The following FRAS1 variants were observed in gnomAD, a reference collection of about 807,000 sequenced individuals.
The protein encoded by FRAS1 is Fraser extracellular matrix complex subunit 1, also known as extracellular matrix organizing protein FRAS1.
FRAS1 carries 290 observed loss-of-function variants against 435.2 expected under a neutral mutation model. The ratio of observed to expected loss-of-function variants is 0.67; its 90% CI spans 0.61 to 0.73. The LOEUF (loss-of-function observed/expected upper bound fraction) is 0.73, where lower values mean the gene tolerates loss of function less well. Ranked by LOEUF, FRAS1 falls within the 30% of genes least tolerant of loss-of-function variation. The probability of loss-of-function intolerance (pLI) is 0.00; values close to 1 mark genes in which losing one functional copy is unlikely to be tolerated. For synonymous variants in FRAS1, 1,800 were observed against 1,851.0 expected (o/e 0.97, Z 0.71); for missense variants, 4,860 against 5,001.5 (o/e 0.97, Z 0.85).
At chr4:78,381,049 TG>T (rs996068327) in intron 27 of FRAS1, among the ~76,000 whole-genome samples, 1 of 152,166 alleles carries the variant, frequency 6.6e-6, no homozygotes, top group Non-Finnish European at 1.5e-5. Context: ...TAGGTTATCT[TG>T]CCCAAGACCT....
At chr4:78,283,512 A>G (rs1417151355) in intron 12 of FRAS1, among the ~76,000 whole-genome samples, 1 of 152,216 alleles carries the variant, frequency 6.6e-6, no homozygotes, top group Non-Finnish European at 1.5e-5. Context: ...GTTCCAGTTA[A>G]TAATTGTTGG....
intron 31 of FRAS1, among the ~76,000 whole-genome samples, chr4:78,412,542 CATA>C (rs1733383326): frequency 6.6e-6 from 1 of 152,130 alleles, no homozygotes; most frequent in African/African-American, 2.4e-5. Context: ...ATTACATACT[CATA>C]ATAAGACATT....
chr4:78,339,659 G>C (rs1292674205), intron 20 of FRAS1, among the ~76,000 whole-genome samples: 1 of 152,220 alleles, frequency 6.6e-6, no homozygotes, highest in African/African-American at 2.4e-5. Flanking sequence ...TTCATGACTA[G>C]TGAGTCCTCT....
chr4:78,216,566 C>G (rs1723777076), intron 2 of FRAS1, among the ~76,000 whole-genome samples: 1 of 152,196 alleles, frequency 6.6e-6, no homozygotes, highest in Non-Finnish European at 1.5e-5. Context: ...CAGAGGGGAA[C>G]AGGTCATAGT....
At chr4:78,511,873 T>G (rs17003294) in intron 64 of FRAS1, among the ~76,000 whole-genome samples, 2 of 151,942 alleles carry the variant, frequency 1.3e-5, no homozygotes, top group African/African-American at 4.8e-5. Flanking sequence ...TGGCATCTCT[T>G]CTAGGGACAT....
At chr4:78,513,351 A>G (rs770960877) in intron 64 of FRAS1, 41 bp from the exon 65 acceptor site, 2 of 1,600,746 alleles carry the variant, frequency 1.2e-6, no homozygotes, top group East Asian at 4.5e-5. Context: ...GACCATTTAT[A>G]GCAGTCAGCT....
At chr4:78,397,430 G>A (rs1235243495) in intron 29 of FRAS1, among the ~76,000 whole-genome samples, 1 of 152,176 alleles carries the variant, frequency 6.6e-6, no homozygotes, top group African/African-American at 2.4e-5. Context: ...TCAGGGGACT[G>A]TTGATGTGTG....
chr4:78,386,002 T>A (rs1732205520), intron 28 of FRAS1, among the ~76,000 whole-genome samples: 1 of 152,174 alleles, frequency 6.6e-6, no homozygotes. Context: ...AGAAACTTTG[T>A]TTCGTTCTTT....
intron 37 of FRAS1, among the ~76,000 whole-genome samples, chr4:78,431,072 T>G (rs537922427): frequency 2.6e-5 from 4 of 152,358 alleles, no homozygotes; most frequent in African/African-American, 9.6e-5. Context: ...AGTACCCACC[T>G]CTGGATGCTA....
At chr4:78,435,687 A>G (rs1189705680) in intron 38 of FRAS1, among the ~76,000 whole-genome samples, 4 of 152,008 alleles carry the variant, frequency 2.6e-5, no homozygotes, top group Non-Finnish European at 5.9e-5. Flanking sequence ...GCAGTGAGCC[A>G]AGATCATACC....
chr4:78,357,346 G>T (rs901885223), intron 20 of FRAS1, among the ~76,000 whole-genome samples: 1 of 152,156 alleles, frequency 6.6e-6, no homozygotes, highest in Non-Finnish European at 1.5e-5. Flanking sequence ...TCAGCACACT[G>T]TGTCCCCATG....
intron 2 of FRAS1, among the ~76,000 whole-genome samples, chr4:78,222,506 T>C (rs550824534): frequency 7.6e-4 from 116 of 152,354 alleles, no homozygotes; most frequent in Middle Eastern, 3.4e-3. Flanking sequence ...GGAGAATGTT[T>C]GCCTTTGCAT....
intron 29 of FRAS1, among the ~76,000 whole-genome samples, chr4:78,395,601 T>G (rs1394765292): frequency 6.6e-6 from 1 of 152,062 alleles, no homozygotes; most frequent in Non-Finnish European, 1.5e-5. Flanking sequence ...AACCTCTCAT[T>G]ATATAATATC....
In FRAS1 at chr4:78,284,524, T is replaced by C. The variant is rs1159801103; in HGVS notation, c.1375T>C (p.Tyr459His). The C allele has an allele frequency of 6.2e-7, 1 of 1,611,690 alleles. No homozygotes were observed. The highest frequency in any genetic ancestry group is 8.5e-7 in the Non-Finnish European group (1 of 1,178,922). ...WCVHSCGLGF[Y>H]QAGSLCLACQ... is the part of the protein sequence containing the mutation. ...TGTGCACAGCTGTGGACTGGGTTTT[T>C]ACCAAGCTGGCAGTCTCTGTTTAGG... is the stretch of plus-strand genomic sequence containing the variant. Residue 459 changes from tyrosine (Y) to histidine (H), a missense_variant, in exon 13 of 74, where the codon TAC becomes CAC. Tyr to His is a moderately conservative substitution (Grantham distance 83, BLOSUM62 2). Coordinates refer to ENST00000512123, the MANE Select transcript of FRAS1 (RefSeq NM_025074.7).
rs767764275 is a variant in FRAS1, at chr4:78,469,935, G to A, written c.7258-43G>A. ...AGGCCCTGGACCTGACATACTTCAGGTACTTGTGAATGATGAGTTTTCTTT... is the reference window on the plus strand; with the variant it reads ...AGGCCCTGGACCTGACATACTTCAGATACTTGTGAATGATGAGTTTTCTTT... On this transcript the variant is annotated intron_variant, in intron 50 of 73. Transcript: ENST00000512123. 19 of 1,403,632 alleles carry A rather than the reference G, an allele frequency of 1.4e-5. No homozygotes were observed. In the South Asian group the frequency reaches 1.7e-4, roughly 12 times the overall value. The allele number at this position is 1,403,632 out of a possible 1,614,324, so 86.9% of individuals were successfully genotyped here. A position where few individuals can be genotyped will look rare whatever the true frequency, so the allele number is the denominator to read the frequency against.
At chr4:78,255,546 A>G (rs1725751881) in intron 6 of FRAS1, among the ~76,000 whole-genome samples, 171 bp downstream of exon 6, 1 of 152,198 alleles carries the variant, frequency 6.6e-6, no homozygotes. Context: ...TTACCCTTAG[A>G]AACTACAGAT....
At chr4:78,332,984 A>G (rs532006445) in intron 18 of FRAS1, among the ~76,000 whole-genome samples, 3 of 152,150 alleles carry the variant, frequency 2.0e-5, no homozygotes, top group Admixed American at 6.5e-5. Flanking sequence ...TTTTTATTTG[A>G]CATTCTCTGA....
chr4:78,461,122 A>G (rs1239347802), intron 47 of FRAS1, among the ~76,000 whole-genome samples: 1 of 152,242 alleles, frequency 6.6e-6, no homozygotes, highest in Non-Finnish European at 1.5e-5. Context: ...TCAATATTTC[A>G]GACAAGAAAG....
At chr4:78,092,298 T>C (rs1741569499) in intron 2 of FRAS1, among the ~76,000 whole-genome samples, 2 of 152,128 alleles carry the variant, frequency 1.3e-5, no homozygotes, top group South Asian at 2.1e-4. Flanking sequence ...GCTGTATTAG[T>C]CCATTTTCAT....
Sources: allele counts gnomAD v4.1 joint callset (sites outside exome capture counted in the v4.1 genomes callset), GRCh38; gene constraint gnomAD v4.1.1; transcripts MANE v1.5; gene names NCBI Gene and HGNC (gene_info 2026-07-23, HGNC 2026-07-21).